Variants in DOCK2 observed in about 807,000 individuals in gnomAD.
The protein encoded by DOCK2 is dedicator of cytokinesis 2, also known as dedicator of cytokinesis protein 2.
Under a neutral mutation model 248.9 loss-of-function variants are expected in DOCK2, and 87 were observed. The observed-to-expected ratio is 0.35, with a 90% CI of 0.29 to 0.42. The LOEUF (loss-of-function observed/expected upper bound fraction) is 0.42. Among genes scored for constraint, DOCK2 ranks in the 10% least tolerant of loss-of-function variants. The pLI is 1.00. For synonymous variants in DOCK2, 805 were observed against 821.6 expected (o/e 0.98, Z 0.35); for missense variants, 1,747 against 2,300.2 (o/e 0.76, Z 4.92).
chr5:169,669,573 T>G (rs1758925833), intron 3 of DOCK2, among the ~76,000 whole-genome samples: 1 of 152,176 alleles, frequency 6.6e-6, no homozygotes, highest in Non-Finnish European at 1.5e-5. Flanking sequence ...GATATGCCAC[T>G]CACTTATGAT....
At chr5:170,075,527 A>T (rs1233485362) in intron 46 of DOCK2, 1 of 162,382 alleles carries the variant, frequency 6.2e-6, no homozygotes, top group Non-Finnish European at 1.3e-5. Flanking sequence ...GCCTTCCTCT[A>T]TCTCTCAGCT....
intron 43 of DOCK2, 178 bp downstream of exon 43, chr5:170,056,946 T>C (rs1757152986): frequency 3.3e-6 from 2 of 609,630 alleles, no homozygotes; most frequent in Admixed American, 3.1e-5. Flanking sequence ...TGTGTCCTTA[T>C]TTCTTGAGCC....
chr5:169,814,047 G>T (rs775746515), intron 26 of DOCK2, among the ~76,000 whole-genome samples: 2 of 152,170 alleles, frequency 1.3e-5, no homozygotes, highest in Non-Finnish European at 2.9e-5. Context: ...ACCATCGATG[G>T]TTACTAAAAG....
intron 36 of DOCK2, among the ~76,000 whole-genome samples, chr5:170,038,303 C>A (rs185582342): frequency 6.6e-6 from 1 of 152,176 alleles, no homozygotes; most frequent in Non-Finnish European, 1.5e-5. Flanking sequence ...GAAACACAGA[C>A]GGCAAATCCC....
chr5:169,737,576 A>G (rs558418138), intron 22 of DOCK2, among the ~76,000 whole-genome samples: 1 of 152,282 alleles, frequency 6.6e-6, no homozygotes, highest in South Asian at 2.1e-4. Context: ...CATCTGAAAG[A>G]GCAAGGCAGA....
At chr5:169,729,757 AGG>A (rs1762669643) in intron 22 of DOCK2, among the ~76,000 whole-genome samples, 1 of 151,228 alleles carries the variant, frequency 6.6e-6, no homozygotes, top group African/African-American at 2.5e-5. Context: ...TGGCTGAGAC[AGG>A]GGTAGTGAGG....
chr5:169,872,511 A>G (rs568544172), intron 27 of DOCK2, among the ~76,000 whole-genome samples: 1 of 152,288 alleles, frequency 6.6e-6, no homozygotes, highest in South Asian at 2.1e-4. Flanking sequence ...CCCTTCTCCT[A>G]GGGCATCTAT....
chr5:169,920,813 C>T (rs1022797636), intron 27 of DOCK2, among the ~76,000 whole-genome samples: 2 of 151,972 alleles, frequency 1.3e-5, no homozygotes, highest in Non-Finnish European at 2.9e-5. Flanking sequence ...TTATCATGAT[C>T]TATGTGGATG....
chr5:170,071,042 A>G (rs1757663413), intron 46 of DOCK2, among the ~76,000 whole-genome samples: 1 of 152,062 alleles, frequency 6.6e-6, no homozygotes, highest in Non-Finnish European at 1.5e-5. Flanking sequence ...GACCACCTAT[A>G]CAGAGGCCCA....
At chr5:169,664,040 T>C (rs919179442) in intron 2 of DOCK2, among the ~76,000 whole-genome samples, 14 of 152,242 alleles carry the variant, frequency 9.2e-5, no homozygotes, top group African/African-American at 1.4e-4. Flanking sequence ...ACCATCTCTT[T>C]GTGAATGCAT....
intron 27 of DOCK2, among the ~76,000 whole-genome samples, chr5:169,858,389 G>T (rs1467537449): frequency 6.6e-6 from 1 of 152,210 alleles, no homozygotes; most frequent in African/African-American, 2.4e-5. Context: ...CAACAGAGCT[G>T]CTGGGCAGGG....
chr5:169,703,182 C>G (rs1167357919), intron 14 of DOCK2, among the ~76,000 whole-genome samples: 1 of 152,022 alleles, frequency 6.6e-6, no homozygotes, highest in East Asian at 1.9e-4. Flanking sequence ...GGCGAATATT[C>G]CTCTTAGGCC....
chr5:169,816,853 G>A (rs1403947624), intron 26 of DOCK2, among the ~76,000 whole-genome samples: 2 of 152,092 alleles, frequency 1.3e-5, no homozygotes, highest in African/African-American at 4.8e-5. Context: ...TATTCTTTTA[G>A]TTATGTTAAA....
chr5:169,785,468 G>A (rs896162363), intron 25 of DOCK2, among the ~76,000 whole-genome samples: 1 of 152,078 alleles, frequency 6.6e-6, no homozygotes, highest in Non-Finnish European at 1.5e-5. Context: ...AGAACAAATG[G>A]AATAGGAATA....
intron 27 of DOCK2, among the ~76,000 whole-genome samples, chr5:169,973,427 T>C (rs146392520): frequency 4.6e-4 from 70 of 152,284 alleles, no homozygotes; most frequent in African/African-American, 1.6e-3. Context: ...ATACCTAGTG[T>C]GTGCCAGGCT....
At chr5:169,808,984 A>G (rs1767575440) in intron 26 of DOCK2, among the ~76,000 whole-genome samples, 1 of 143,544 alleles carries the variant, frequency 7.0e-6, no homozygotes, top group South Asian at 2.2e-4. Flanking sequence ...GAATGGTTTA[A>G]GGGTTCTGAT....
At chr5:169,673,691 T>A (rs577671877) in intron 5 of DOCK2, among the ~76,000 whole-genome samples, 4 of 152,208 alleles carry the variant, frequency 2.6e-5, no homozygotes, top group Middle Eastern at 6.8e-3. Flanking sequence ...AGTCCAAACC[T>A]TTTCTCTCTG....
intron 50 of DOCK2, 59 bp from the exon 51 acceptor site, chr5:170,081,783 C>A: frequency 6.6e-7 from 1 of 1,506,390 alleles, no homozygotes; most frequent in East Asian, 2.4e-5. Flanking sequence ...TCTACCTCCC[C>A]CAAGGCACTG....
intron 27 of DOCK2, among the ~76,000 whole-genome samples, chr5:169,873,417 C>T (rs547009484): frequency 2.2e-4 from 33 of 152,310 alleles, no homozygotes; most frequent in African/African-American, 7.2e-4. Context: ...ATGACGTTCA[C>T]GGCCCAGCAT....
Sources: gnomAD v4.1 joint callset for allele counts (sites outside exome capture counted in the v4.1 genomes callset) on GRCh38, gnomAD v4.1.1 for gene constraint, MANE v1.5 for transcripts, NCBI Gene and HGNC (gene_info 2026-07-23, HGNC 2026-07-21) for gene names.